Variants in KIAA1210 observed in about 807,000 individuals in gnomAD.
KIAA1210 encodes acrosomal protein KIAA1210.
In KIAA1210, 48 loss-of-function variants were observed where a neutral mutation model predicts 78.9. That is an observed-to-expected ratio of 0.61 (90% CI 0.48 to 0.77). The LOEUF is 0.77. Ranked by LOEUF, KIAA1210 falls within the 30% of genes least tolerant of loss-of-function variation. The pLI is 0.00. For missense variants in KIAA1210, 1,108 were observed against 1,100.0 expected (o/e 1.01, Z -0.10); for synonymous variants, 406 against 404.5 (o/e 1.00, Z -0.04).
chrX:119,115,284 A>G (rs750839484), intron 3 of KIAA1210, among the ~76,000 whole-genome samples: 36 of 110,704 alleles, frequency 3.3e-4, no homozygotes, highest in Middle Eastern at 4.6e-3. Context: ...ACTTCTGGAA[A>G]GGAAGGAACA....
intron 8 of KIAA1210, among the ~76,000 whole-genome samples, chrX:119,093,106 T>C (rs1462637899): frequency 8.9e-6 from 1 of 112,260 alleles, no homozygotes; most frequent in Non-Finnish European, 1.9e-5. Flanking sequence ...ATTTGTTGTT[T>C]GGGGATTTGA....
chrX:119,138,527 G>A (rs951095489), intron 2 of KIAA1210, among the ~76,000 whole-genome samples: 1 of 111,524 alleles, frequency 9.0e-6, no homozygotes, highest in Non-Finnish European at 1.9e-5. Flanking sequence ...CCGAGAAGGC[G>A]GAACTTAAGA....
chrX:119,134,964 G>A (rs1928878022), intron 2 of KIAA1210, among the ~76,000 whole-genome samples: 1 of 112,665 alleles, frequency 8.9e-6, no homozygotes, highest in African/African-American at 3.2e-5. Flanking sequence ...GGCAGGCACT[G>A]TGAAAAATTA....
chrX:119,143,261 G>A (rs922083946), intron 2 of KIAA1210, among the ~76,000 whole-genome samples: 3 of 112,322 alleles, frequency 2.7e-5, no homozygotes, highest in Non-Finnish European at 5.6e-5. Context: ...TGCATTGGGG[G>A]CTGGGGCCCA....
chrX:119,121,956 G>A (rs1250485437), intron 2 of KIAA1210, among the ~76,000 whole-genome samples: 1 of 104,426 alleles, frequency 9.6e-6, no homozygotes, highest in Non-Finnish European at 2.0e-5. Flanking sequence ...TTTTAATAGA[G>A]ACAGGGTTTC....
intron 2 of KIAA1210, among the ~76,000 whole-genome samples, chrX:119,138,689 T>A (rs1217396026): frequency 1.8e-5 from 2 of 111,699 alleles, no homozygotes; most frequent in Non-Finnish European, 3.8e-5. Context: ...GCCCAGGCTC[T>A]TCTTCCTAGA....
chrX:119,089,894 G>A (rs1428687666), intron 8 of KIAA1210, 148 bp from the exon 9 acceptor site: 2 of 507,491 alleles, frequency 3.9e-6, no homozygotes, highest in Non-Finnish European at 6.4e-6. Context: ...AGGGCAACAT[G>A]GTCACTATTA....
chrX:119,145,422 TG>T (rs201125956), intron 2 of KIAA1210, among the ~76,000 whole-genome samples: 2,112 of 110,613 alleles, frequency 0.019, 61 homozygotes, highest in African/African-American at 0.066. Flanking sequence ...CAATGTCCCC[TG>T]GGGAGCAAAA....
chrX:119,122,061 A>ATC (rs1556002692), intron 2 of KIAA1210, among the ~76,000 whole-genome samples: 3 of 56,506 alleles, frequency 5.3e-5, no homozygotes, highest in Non-Finnish European at 9.0e-5. Flanking sequence ...CGCGCCCGGC[A>ATC]TTTTTTTTTT....
rs746368994 is a variant in KIAA1210 at position 119,088,567 on chromosome X, T to C, written c.2135A>G (p.Gln712Arg). The stretch of plus-strand genomic sequence containing the variant: ...ATTTGAAGCAGAGGAGACTTCTTGT[T>C]GGTTTTTGGGCTTTCCCAAGGCCTG... The part of the protein sequence containing the change: ...PAQALGKPKN[Q>R]QEVSSASNNT... Residue 712 changes from glutamine (Q) to arginine (R), a missense_variant, in exon 9 of 12, where the codon CAA becomes CGA. Physicochemically the swap from Gln to Arg is conservative, Grantham distance 43 (BLOSUM62 1). This residue lies in a region of KIAA1210 where 672 missense variants were observed against 607.1 expected (regional missense o/e 1.11). Transcript: ENST00000691062. The C allele has an allele frequency of 8.3e-7, 1 of 1,211,377 alleles. No homozygotes were observed. Among genetic ancestry groups the C allele is most frequent in the South Asian group, 1.8e-5 (1 of 56,830 alleles).
chrX:119,109,913 A>G (rs1928018269), intron 3 of KIAA1210, among the ~76,000 whole-genome samples: 1 of 111,693 alleles, frequency 9.0e-6, no homozygotes, highest in African/African-American at 3.3e-5. Flanking sequence ...ATACCTTCTG[A>G]TTGGGAATGG....
At chrX:119,143,704 A>G (rs1455249616) in intron 2 of KIAA1210, among the ~76,000 whole-genome samples, 2 of 111,951 alleles carry the variant, frequency 1.8e-5, no homozygotes, top group South Asian at 3.8e-4. Context: ...GATCATGACT[A>G]CCTAATTGGT....
rs555192178 is a variant in KIAA1210 at position 119,124,676 on chromosome X, C to T, written c.-10-1024G>A. On this transcript the variant is annotated intron_variant, in intron 1 of 11. Coordinates refer to ENST00000691062, the MANE Select transcript of KIAA1210 (RefSeq NM_001394962.1). ...GCAAAGGCAGGAGGATCACTTGAGC[C>T]CAGGAGTTTTGAGTTGAGGCTGGGC... Among the ~76,000 whole-genome samples the T allele has an allele frequency of 4.5e-5, 5 of 111,453 alleles. No homozygotes were observed. In the South Asian group the frequency reaches 1.9e-3, roughly 42 times the overall value.
intron 2 of KIAA1210, chrX:119,147,469 T>G: frequency 8.3e-7 from 1 of 1,211,240 alleles, no homozygotes; most frequent in Non-Finnish European, 1.1e-6. Context: ...GCTCTCAGCC[T>G]CACTTTCCTG....
At chrX:119,128,718 C>T (rs1928712952), upstream of KIAA1210, among the ~76,000 whole-genome samples, 1 of 111,124 alleles carries the variant, frequency 9.0e-6, no homozygotes, top group Non-Finnish European at 1.9e-5. Flanking sequence ...TCTTTATGCC[C>T]AGGCTGGAGT....
At chrX:119,124,782 G>A (rs754871380) in intron 1 of KIAA1210, among the ~76,000 whole-genome samples, 4 of 110,660 alleles carry the variant, frequency 3.6e-5, no homozygotes, top group South Asian at 7.8e-4. Flanking sequence ...CCAGCTACTA[G>A]GGAGGCTGAG....
At chrX:119,113,449 A>C in intron 3 of KIAA1210, among the ~76,000 whole-genome samples, 1 of 112,166 alleles carries the variant, frequency 8.9e-6, no homozygotes, top group East Asian at 2.8e-4. Context: ...CCAGTCAAAA[A>C]TAGCCACATA....
At position 119,097,011 on chromosome X, in the gene KIAA1210, T is replaced by C. The variant is rs897492; in HGVS notation, c.649-320A>G. Reference sequence around the variant, plus strand: ...TTTGCAAAGTCAGAGAGATTGCATGTTCTCTTGTCCTAGATCCCCTTCTTA... The same window carrying C: ...TTTGCAAAGTCAGAGAGATTGCATGCTCTCTTGTCCTAGATCCCCTTCTTA... On this transcript the variant is annotated intron_variant, in intron 6 of 11. Transcript: ENST00000691062. Among the ~76,000 whole-genome samples, 858 of 111,779 alleles carry C rather than the reference T, an allele frequency of 7.7e-3. 11 individuals are homozygous for C. The highest frequency in any genetic ancestry group is 0.027 in the African/African-American group (822 of 30,765).
chrX:119,139,249 A>G (rs1928991625), intron 2 of KIAA1210, among the ~76,000 whole-genome samples: 1 of 111,255 alleles, frequency 9.0e-6, no homozygotes, highest in South Asian at 3.9e-4. Flanking sequence ...CTTTAAGGAA[A>G]CCCTGCTGTA....
Sources: allele counts gnomAD v4.1 joint callset (sites outside exome capture counted in the v4.1 genomes callset), GRCh38; gene constraint gnomAD v4.1.1; regional missense constraint gnomAD v4.1.1; transcripts MANE v1.5; gene names NCBI Gene and HGNC (gene_info 2026-07-23, HGNC 2026-07-21).